SPART: variants seen among roughly 807,000 people sequenced by gnomAD.
The protein encoded by SPART is spartin.
A neutral mutation model predicts 58.7 loss-of-function variants in SPART; 35 were observed. That is an observed-to-expected ratio of 0.60 (90% CI 0.46 to 0.79). The LOEUF (loss-of-function observed/expected upper bound fraction) is 0.79, where lower values mean the gene tolerates loss of function less well. Among genes scored for constraint, SPART ranks in the 30% least tolerant of loss-of-function variants. The pLI, the probability that SPART is intolerant of heterozygous loss-of-function variation, is 0.00. For synonymous variants in SPART, 284 were observed against 280.7 expected, an observed-to-expected ratio of 1.01 and a Z score of -0.12; for missense variants, 730 against 786.1, an observed-to-expected ratio of 0.93 and a Z score of 0.85.
chr13:36,341,734 A>T (rs1465771396), intron 1 of SPART, among the ~76,000 whole-genome samples: 1 of 152,240 alleles, frequency 6.6e-6, no homozygotes, highest in Non-Finnish European at 1.5e-5. Context: ...TCTAACCTGA[A>T]GTGCCACTAG....
intron 6 of SPART, 37 bp downstream of exon 6, chr13:36,314,190 T>A (rs1881426486): frequency 6.3e-7 from 1 of 1,585,748 alleles, no homozygotes; most frequent in Admixed American, 1.7e-5. Flanking sequence ...ATTTTAAATA[T>A]AACTTTAAAA....
intron 5 of SPART, among the ~76,000 whole-genome samples, chr13:36,319,260 G>A (rs1302818468): frequency 5.3e-5 from 8 of 151,458 alleles, no homozygotes; most frequent in Middle Eastern, 3.2e-3. Flanking sequence ...GACTACAGCT[G>A]TATCTCATTG....
chr13:36,326,764 A>C, intron 4 of SPART, 66 bp from the exon 5 acceptor site: 1 of 1,546,938 alleles, frequency 6.5e-7, no homozygotes, highest in East Asian at 2.3e-5. Flanking sequence ...TGTAAGCATT[A>C]TATAACAAAT....
chr13:36,348,887 T>G (rs762476848), upstream of SPART, among the ~76,000 whole-genome samples: 2 of 152,134 alleles, frequency 1.3e-5, no homozygotes, highest in South Asian at 4.1e-4. Flanking sequence ...GGACCCAGAA[T>G]AGCCACATGA....
At chr13:36,333,145 G>T (rs1311624029) in intron 2 of SPART, among the ~76,000 whole-genome samples, 1 of 151,720 alleles carries the variant, frequency 6.6e-6, no homozygotes, top group Non-Finnish European at 1.5e-5. Flanking sequence ...TCCTAGGACA[G>T]GATATTACAG....
chr13:36,331,718 TA>T, intron 2 of SPART, 122 bp from the exon 3 acceptor site: 2 of 727,420 alleles, frequency 2.7e-6, no homozygotes, highest in Admixed American at 2.8e-5. Context: ...AAACATATTT[TA>T]AAAGGCTTTA....
At chr13:36,331,084 C>A (rs183198860) in intron 3 of SPART, among the ~76,000 whole-genome samples, 145 of 152,262 alleles carry the variant, frequency 9.5e-4, no homozygotes, top group Non-Finnish European at 2.5e-4. Context: ...TTCACCACAG[C>A]CCAATGAAGT....
At chr13:36,353,550 T>TATAG (rs770200589) in intron 1 of SPART, among the ~76,000 whole-genome samples, 2 of 152,178 alleles carry the variant, frequency 1.3e-5, no homozygotes, top group African/African-American at 2.4e-5. Flanking sequence ...AAGGCCCTAT[T>TATAG]ATAGCATTTG....
At chr13:36,358,864 T>C (rs1245842870) in intron 1 of SPART, among the ~76,000 whole-genome samples, 1 of 152,232 alleles carries the variant, frequency 6.6e-6, no homozygotes, top group African/African-American at 2.4e-5. Context: ...GGAATTTGAT[T>C]AACTTTTTTA....
intron 1 of SPART, among the ~76,000 whole-genome samples, chr13:36,369,094 C>A (rs1886177673): frequency 6.6e-6 from 1 of 152,192 alleles, no homozygotes; most frequent in African/African-American, 2.4e-5. Context: ...TGATTTTCTT[C>A]CAAGGTCATT....
chr13:36,313,667 A>C (rs1881362568), intron 6 of SPART, among the ~76,000 whole-genome samples: 1 of 152,142 alleles, frequency 6.6e-6, no homozygotes, highest in African/African-American at 2.4e-5. Context: ...TTGTGTTACA[A>C]TTTCCTATAG....
chr13:36,308,984 C>T (rs750628227), intron 8 of SPART, among the ~76,000 whole-genome samples: 3 of 152,110 alleles, frequency 2.0e-5, no homozygotes, highest in Non-Finnish European at 4.4e-5. Flanking sequence ...GTGGCTCACG[C>T]CTGTAATCCC....
chr13:36,317,435 T>C (rs1881832231), intron 5 of SPART, among the ~76,000 whole-genome samples: 1 of 151,794 alleles, frequency 6.6e-6, no homozygotes. Context: ...CAACCTCTTA[T>C]ATCTCTGTGC....
upstream of SPART, among the ~76,000 whole-genome samples, chr13:36,348,901 C>G (rs1885303009): frequency 6.6e-6 from 1 of 152,104 alleles, no homozygotes; most frequent in Non-Finnish European, 1.5e-5. Context: ...CACATGAGCA[C>G]ACACACACAG....
intron 5 of SPART, among the ~76,000 whole-genome samples, chr13:36,320,334 C>G (rs1438879347): frequency 6.6e-6 from 1 of 152,186 alleles, no homozygotes; most frequent in African/African-American, 2.4e-5. Flanking sequence ...ACACCTGACC[C>G]CCATGACTGT....
At chr13:36,353,990 T>C (rs1885522791) in intron 1 of SPART, among the ~76,000 whole-genome samples, 1 of 152,224 alleles carries the variant, frequency 6.6e-6, no homozygotes, top group South Asian at 2.1e-4. Flanking sequence ...GATGCTTTCT[T>C]TCTTTCTCAC....
At chr13:36,315,372 CACTT>C (rs765481631) in intron 5 of SPART, among the ~76,000 whole-genome samples, 1 of 152,140 alleles carries the variant, frequency 6.6e-6, no homozygotes, top group Non-Finnish European at 1.5e-5. Flanking sequence ...TTTTGGCTAA[CACTT>C]AACAATGAGC....
intron 8 of SPART, among the ~76,000 whole-genome samples, chr13:36,310,356 GATTT>G (rs1880965920): frequency 6.6e-6 from 1 of 151,896 alleles, no homozygotes; most frequent in Admixed American, 6.6e-5. Flanking sequence ...CTTCATACTA[GATTT>G]ATTTTTTAGA....
chr13:36,350,469 T>G (rs1885365855), upstream of SPART, among the ~76,000 whole-genome samples: 1 of 152,176 alleles, frequency 6.6e-6, no homozygotes, highest in Non-Finnish European at 1.5e-5. Context: ...TAAAAAGCAT[T>G]TCATAGACAA....
Sources: allele counts gnomAD v4.1 joint callset (sites outside exome capture counted in the v4.1 genomes callset), GRCh38; gene constraint gnomAD v4.1.1; transcripts MANE v1.5; gene names NCBI Gene and HGNC (gene_info 2026-07-23, HGNC 2026-07-21).